The following LRP2 variants were observed in gnomAD, a reference collection of about 807,000 sequenced individuals.
The protein encoded by LRP2 is LDL receptor related protein 2.
In LRP2, 172 loss-of-function variants were observed where a neutral mutation model predicts 531.0. The ratio of observed to expected loss-of-function variants is 0.32; its 90% CI spans 0.29 to 0.37. The LOEUF is 0.37. Ranked by LOEUF, LRP2 falls within the 10% of genes least tolerant of loss-of-function variation. The probability of loss-of-function intolerance (pLI) is 1.00; values close to 1 mark genes in which losing one functional copy is unlikely to be tolerated. For missense variants in LRP2, 5,167 were observed against 5,868.3 expected, an observed-to-expected ratio of 0.88 and a Z score of 3.90; for synonymous variants, 1,992 against 2,027.6, an observed-to-expected ratio of 0.98 and a Z score of 0.47.
Position 169,205,564 on chromosome 2 carries a change from G to C in LRP2, c.7630C>G (p.Pro2544Ala). 6.2e-7 allele frequency: 1 copy of C among 1,614,054 alleles called. No homozygotes were observed. Among genetic ancestry groups the C allele is most frequent in the Non-Finnish European group, 8.5e-7 (1 of 1,179,976 alleles). Reference sequence around the variant, plus strand: ...ATGACCAGACTGCTGTTCACAATGGGTACGCGGAAGTTTCCTCCCAATGTG... The same window carrying C: ...ATGACCAGACTGCTGTTCACAATGGCTACGCGGAAGTTTCCTCCCAATGTG... ...RATLGGNFRV[P>A]IVNSSLVMPS... is the part of the protein sequence containing the mutation. Residue 2544 changes from proline (P) to alanine (A), a missense_variant, in exon 41 of 79, where the codon CCC (proline) becomes GCC (alanine). Pro to Ala is a conservative substitution (Grantham distance 27). Around this residue, in one of 6 missense-constraint regions of LRP2, gnomAD observed 1,129 missense variants for 1,362.7 expected, o/e 0.83. Coordinates refer to ENST00000649046, the MANE Select transcript of LRP2 (RefSeq NM_004525.3).
intron 10 of LRP2, among the ~76,000 whole-genome samples, chr2:169,281,602 C>G (rs1683705868): frequency 6.6e-6 from 1 of 150,814 alleles, no homozygotes; most frequent in Non-Finnish European, 1.5e-5. Flanking sequence ...GCCTGTAGTC[C>G]CAGCTACTCG....
chr2:169,208,881 A>G (rs1574135425), intron 38 of LRP2, among the ~76,000 whole-genome samples: 1 of 152,310 alleles, frequency 6.6e-6, no homozygotes. Context: ...ATTTTTACTC[A>G]GATGAGTGAT....
chr2:169,256,271 A>T, intron 18 of LRP2, 35 bp from the exon 19 acceptor site: 1 of 1,594,330 alleles, frequency 6.3e-7, no homozygotes, highest in South Asian at 1.1e-5. Context: ...TCTCTTATCC[A>T]AAAACTATCA....
intron 34 of LRP2, among the ~76,000 whole-genome samples, chr2:169,217,000 C>T (rs1341167383): frequency 6.6e-6 from 1 of 152,108 alleles, no homozygotes; most frequent in East Asian, 1.9e-4. Flanking sequence ...CATTATCATG[C>T]TGTTATGGGG....
chr2:169,156,130 G>T, intron 65 of LRP2, 144 bp downstream of exon 65: 1 of 1,045,942 alleles, frequency 9.6e-7, no homozygotes, highest in Non-Finnish European at 1.4e-6. Context: ...CTAAAGAGGT[G>T]TTGGAAGAGA....
chr2:169,309,713 T>C (rs1472843971), intron 3 of LRP2, among the ~76,000 whole-genome samples: 3 of 152,182 alleles, frequency 2.0e-5, no homozygotes, highest in Non-Finnish European at 4.4e-5. Context: ...GTGGGCTCTT[T>C]TTTGGTTCCA....
At chr2:169,177,323 TCTTA>T (rs1030531164) in intron 53 of LRP2, among the ~76,000 whole-genome samples, 1 of 152,184 alleles carries the variant, frequency 6.6e-6, no homozygotes, top group African/African-American at 2.4e-5. Flanking sequence ...AAACAAGTTC[TCTTA>T]CTTAAAAAAC....
intron 76 of LRP2, among the ~76,000 whole-genome samples, chr2:169,134,116 C>T (rs550764163): frequency 5.6e-4 from 85 of 152,280 alleles, no homozygotes; most frequent in African/African-American, 1.8e-3. Context: ...ACACAAGAGC[C>T]GGGACCGTGC....
At chr2:169,136,809 CA>C (rs1384444970) in intron 76 of LRP2, among the ~76,000 whole-genome samples, 1 of 151,992 alleles carries the variant, frequency 6.6e-6, no homozygotes, top group Non-Finnish European at 1.5e-5. Context: ...CTCACACACA[CA>C]AAAAAAGATG....
At chr2:169,201,572 C>T in intron 44 of LRP2, 56 bp downstream of exon 44, 1 of 1,610,524 alleles carries the variant, frequency 6.2e-7, no homozygotes, top group Non-Finnish European at 8.5e-7. Flanking sequence ...AATTTCATCT[C>T]CTGTGATCCA....
chr2:169,138,828 G>A (rs1039585094), intron 74 of LRP2, 122 bp from the exon 75 acceptor site: 4 of 1,104,028 alleles, frequency 3.6e-6, no homozygotes, highest in South Asian at 1.4e-5. Flanking sequence ...CAAATGTAAT[G>A]CTCAATTCCC....
intron 68 of LRP2, among the ~76,000 whole-genome samples, chr2:169,149,183 A>G (rs1214941072): frequency 2.0e-5 from 3 of 152,228 alleles, no homozygotes; most frequent in Admixed American, 2.0e-4. Context: ...TACAATTCAA[A>G]TGAGTTTATA....
intron 42 of LRP2, 109 bp downstream of exon 42, chr2:169,203,873 C>T: frequency 1.7e-6 from 2 of 1,170,372 alleles, no homozygotes; most frequent in Admixed American, 1.8e-5. Flanking sequence ...ATTACCCTGA[C>T]ATCAAGGAGA....
chr2:169,272,149 T>A (rs1574207113), intron 15 of LRP2, among the ~76,000 whole-genome samples: 1 of 152,060 alleles, frequency 6.6e-6, no homozygotes, highest in African/African-American at 2.4e-5. Flanking sequence ...AACCGCAACA[T>A]CTGGAGAGCA....
At position 169,140,535 on chromosome 2, in the gene LRP2, C is replaced by T; in HGVS notation, c.13119G>A (p.Leu4373=). Residue 4373 remains leucine, a synonymous_variant, in exon 72 of 79, where the codon CTG becomes CTA. Transcript: ENST00000649046. ...STTECDAAIE[L]PINLPPPCRC... ...TGCATGGGGGGGGCAGGTTGATAGG[C>T]AGTTCGATGGCTGCAGGAAGGGAAA... The T allele has an allele frequency of 1.9e-6, 3 of 1,613,498 alleles. No homozygotes were observed. The South Asian group carries it at 3.3e-5, about 18-fold the overall frequency.
At chr2:169,283,537 A>G (rs75581025) in intron 9 of LRP2, among the ~76,000 whole-genome samples, 12,506 of 152,270 alleles carry the variant, frequency 0.082, 555 homozygotes, top group Non-Finnish European at 0.098. Context: ...TCTATTGGAC[A>G]GCACTATTTC....
Position 169,317,412 on chromosome 2 carries a change from A to G in LRP2, c.310+1350T>C, listed in dbSNP as rs1256582699. 2.6e-5 allele frequency among the ~76,000 whole-genome samples: 4 copies of G among 152,182 alleles called. No individual in the cohort carries two copies. In the East Asian group the frequency reaches 7.7e-4, roughly 29 times the overall value. ...AAGAACCTCCTCTCTGCCTGAGAGA[A>G]TGTCAGGCCTTCAGGATGCAAATTT... On this transcript the variant is annotated intron_variant, in intron 3 of 78. Coordinates refer to ENST00000649046, the MANE Select transcript of LRP2 (RefSeq NM_004525.3).
At position 169,318,825 on chromosome 2, in the gene LRP2, T is replaced by C. The variant is rs770534351; in HGVS notation, c.247A>G (p.Asn83Asp). 5.6e-6 allele frequency: 9 copies of C among 1,614,158 alleles called. No homozygotes were observed. The highest frequency in any genetic ancestry group is 7.6e-6 in the Non-Finnish European group (9 of 1,180,004). The change falls in exon 3 of 79, where the codon AAC becomes GAC. Residue 83 changes from asparagine (N) to aspartate (D), a missense_variant. Around this residue, in one of 6 missense-constraint regions of LRP2, gnomAD observed 2,811 missense variants for 3,058.0 expected, o/e 0.92. Transcript: ENST00000649046. Reference sequence around the variant, plus strand: ...TGATCTTGGTCACACACCCAGGAGTTGGGGATGCATTGTCCCTCACTCTGG... The same window carrying C: ...TGATCTTGGTCACACACCCAGGAGTCGGGGATGCATTGTCCCTCACTCTGG... ...KCQSEGQCIP[N>D]SWVCDQDQDC...
intron 1 of LRP2, among the ~76,000 whole-genome samples, chr2:169,337,745 T>A (rs1403592520): frequency 6.6e-6 from 1 of 152,212 alleles, no homozygotes; most frequent in African/African-American, 2.4e-5. Context: ...AATATATGTG[T>A]ATGCATGCAT....
Sources: allele counts gnomAD v4.1 joint callset (sites outside exome capture counted in the v4.1 genomes callset), GRCh38; gene constraint gnomAD v4.1.1; regional missense constraint gnomAD v4.1.1; transcripts MANE v1.5; gene names NCBI Gene and HGNC (gene_info 2026-07-23, HGNC 2026-07-21).